Variants in LINGO2 observed in about 807,000 individuals in gnomAD.
LINGO2 encodes the protein leucine-rich repeat and immunoglobulin-like domain-containing nogo receptor-interacting protein 2.
A neutral mutation model predicts 30.6 loss-of-function variants in LINGO2; 14 were observed. The ratio of observed to expected loss-of-function variants is 0.46; its 90% CI spans 0.30 to 0.72. LINGO2 has a LOEUF of 0.72. Among genes scored for constraint, LINGO2 ranks in the 30% least tolerant of loss-of-function variants. The pLI is 0.07. For missense variants in LINGO2, 729 were observed against 751.7 expected (o/e 0.97, Z 0.35); for synonymous variants, 317 against 288.5 (o/e 1.10, Z -1.00).
At chr9:28,320,954 A>C (rs1454040748) in intron 3 of LINGO2, among the ~76,000 whole-genome samples, 1 of 152,206 alleles carries the variant, frequency 6.6e-6, no homozygotes, top group Admixed American at 6.5e-5. Flanking sequence ...TGACAGCATC[A>C]GTAATTTAAT....
At chr9:28,410,613 T>C (rs931023415) in intron 2 of LINGO2, among the ~76,000 whole-genome samples, 6 of 152,112 alleles carry the variant, frequency 3.9e-5, no homozygotes, top group Non-Finnish European at 8.8e-5. Flanking sequence ...TGACTGCCAG[T>C]GGCTCGTTAT....
the LINGO2 span, among the ~76,000 whole-genome samples, chr9:29,144,368 C>A: frequency 6.6e-6 from 1 of 151,976 alleles, no homozygotes; most frequent in Non-Finnish European, 1.5e-5. Context: ...GTGATTTTCA[C>A]AATATTGATT....
intron 1 of LINGO2, among the ~76,000 whole-genome samples, chr9:28,634,914 G>A (rs1827186453): frequency 6.6e-6 from 1 of 152,168 alleles, no homozygotes; most frequent in South Asian, 2.1e-4. Context: ...GGTTTACGAT[G>A]TGTGCTGTAC....
At chr9:28,425,345 A>AT (rs201516514) in intron 2 of LINGO2, among the ~76,000 whole-genome samples, 8,171 of 149,442 alleles carry the variant, frequency 0.055, 278 homozygotes, top group Middle Eastern at 0.14. Context: ...ATATATATAT[A>AT]AACACATACA....
chr9:28,854,914 A>T, the LINGO2 span, among the ~76,000 whole-genome samples: 1 of 152,006 alleles, frequency 6.6e-6, no homozygotes, highest in Non-Finnish European at 1.5e-5. Flanking sequence ...AAAGAATGTC[A>T]ATTATTAAAT....
At chr9:28,777,465 G>A in the LINGO2 span, among the ~76,000 whole-genome samples, 8 of 152,096 alleles carry the variant, frequency 5.3e-5, no homozygotes, top group African/African-American at 1.9e-4. Context: ...CTCAAGTGAC[G>A]ATAAAAGAGA....
At chr9:28,328,299 T>C (rs1825300585) in intron 3 of LINGO2, among the ~76,000 whole-genome samples, 2 of 152,154 alleles carry the variant, frequency 1.3e-5, no homozygotes, top group Non-Finnish European at 2.9e-5. Context: ...TAAAAGGCTG[T>C]CTGTAATGTT....
intron 1 of LINGO2, among the ~76,000 whole-genome samples, chr9:28,514,214 G>C (rs1040594514): frequency 1.3e-5 from 2 of 152,040 alleles, no homozygotes; most frequent in African/African-American, 2.4e-5. Context: ...TCTATTCTTG[G>C]AGACGCAACA....
At chr9:28,538,175 C>T (rs1026310764) in intron 1 of LINGO2, among the ~76,000 whole-genome samples, 1 of 151,536 alleles carries the variant, frequency 6.6e-6, no homozygotes, top group Non-Finnish European at 1.5e-5. Context: ...AATAGAAGTA[C>T]TTCAAGGGAA....
the LINGO2 span, among the ~76,000 whole-genome samples, chr9:28,919,158 C>T: frequency 6.6e-6 from 1 of 152,154 alleles, no homozygotes. Flanking sequence ...CACAGAGCAT[C>T]GCCAGATGTA....
intron 1 of LINGO2, among the ~76,000 whole-genome samples, chr9:28,554,081 C>A (rs1179399620): frequency 1.3e-5 from 2 of 151,978 alleles, no homozygotes; most frequent in Non-Finnish European, 2.9e-5. Flanking sequence ...TAGGAAGAAA[C>A]TGCATCAACT....
intron 1 of LINGO2, among the ~76,000 whole-genome samples, chr9:28,643,310 C>CA (rs887676710): frequency 3.3e-5 from 5 of 151,758 alleles, no homozygotes; most frequent in Non-Finnish European, 7.4e-5. Flanking sequence ...TGTACTTAAC[C>CA]AAAAAAGCAT....
intron 4 of LINGO2, among the ~76,000 whole-genome samples, chr9:28,134,936 A>T (rs1368772725): frequency 6.6e-6 from 1 of 152,176 alleles, no homozygotes; most frequent in African/African-American, 2.4e-5. Flanking sequence ...ACAGGAAGAG[A>T]ACAATCTAAA....
At position 27,981,549 on chromosome 9, in the gene LINGO2, AAGAAAAAAAAGAAAAAAAAAG is replaced by A. The variant is rs1820864324; in HGVS notation, c.-36+30785_-36+30805del. 7.5e-5 allele frequency among the ~76,000 whole-genome samples: 9 copies of A among 119,282 alleles called. No individual in the cohort carries two copies. The South Asian group carries it at 2.1e-3, about 28-fold the overall frequency. The allele number at this position is 119,282 out of a possible 152,430, so 78.3% of individuals were successfully genotyped here. A position where few individuals can be genotyped will look rare whatever the true frequency, so the allele number is the denominator to read the frequency against. ...ACGAGGATGGCAAAAAAAAAAAAAA[AAGAAAAAAAAGAAAAAAAAAG>A]AAAAAAAAAAGAAAAAAAATTTCCT... is the stretch of plus-strand genomic sequence containing the variant. On this transcript the variant is annotated intron_variant, in intron 5 of 5. Transcript: ENST00000379992.
intron 5 of LINGO2, among the ~76,000 whole-genome samples, chr9:27,983,706 G>T (rs937806431): frequency 6.6e-6 from 1 of 151,822 alleles, no homozygotes. Context: ...CACAGAAAAA[G>T]GTGAGAATAA....
chr9:28,590,002 A>C (rs1224139805), intron 1 of LINGO2, among the ~76,000 whole-genome samples: 4 of 152,180 alleles, frequency 2.6e-5, no homozygotes, highest in Admixed American at 1.3e-4. Flanking sequence ...ATAATGCTGC[A>C]TATCTACAAC....
At chr9:28,517,805 A>G (rs1026815130) in intron 1 of LINGO2, among the ~76,000 whole-genome samples, 2 of 152,194 alleles carry the variant, frequency 1.3e-5, no homozygotes, top group African/African-American at 4.8e-5. Context: ...CTCTACCCAG[A>G]AGCCTATTTT....
At chr9:28,170,210 C>T (rs377462875) in intron 4 of LINGO2, among the ~76,000 whole-genome samples, 30 of 152,134 alleles carry the variant, frequency 2.0e-4, no homozygotes, top group African/African-American at 4.8e-4. Context: ...TTTTGAGGCA[C>T]GGAAAGAAGG....
chr9:28,216,398 A>C (rs1820768191), intron 4 of LINGO2, among the ~76,000 whole-genome samples: 1 of 151,938 alleles, frequency 6.6e-6, no homozygotes. Context: ...GTTAGTAAAA[A>C]GGTGCTATCA....
Sources: allele counts gnomAD v4.1 joint callset (sites outside exome capture counted in the v4.1 genomes callset), GRCh38; gene constraint gnomAD v4.1.1; transcripts MANE v1.5; gene names NCBI Gene and HGNC (gene_info 2026-07-23, HGNC 2026-07-21).